KCNQ2: variants seen among roughly 807,000 people sequenced by gnomAD.
KCNQ2 encodes potassium voltage-gated channel subfamily Q member 2, also known as potassium voltage-gated channel subfamily KQT member 2.
A neutral mutation model predicts 84.8 loss-of-function variants in KCNQ2; 14 were observed. The observed-to-expected ratio is 0.17, with a 90% CI of 0.11 to 0.26. The LOEUF is 0.26. Ranked by LOEUF, KCNQ2 falls within the 10% of genes least tolerant of loss-of-function variation. KCNQ2 has a pLI of 1.00. For synonymous variants in KCNQ2, 599 were observed against 554.1 expected, an observed-to-expected ratio of 1.08 and a Z score of -1.14; for missense variants, 788 against 1,254.0, an observed-to-expected ratio of 0.63 and a Z score of 5.61.
intron 10 of KCNQ2, among the ~76,000 whole-genome samples, chr20:63,426,138 G>A (rs559813448): frequency 1.3e-5 from 2 of 152,220 alleles, no homozygotes; most frequent in African/African-American, 4.8e-5. Flanking sequence ...CCCGAAGTTC[G>A]ATGCCCTCTT....
rs2081843912 is a variant in KCNQ2 at position 63,457,831 on chromosome 20, G to T, written c.297-10994C>A. 2.6e-5 allele frequency among the ~76,000 whole-genome samples: 4 copies of T among 152,366 alleles called. No individual in the cohort carries two copies. In the South Asian group the frequency reaches 8.3e-4, roughly 32 times the overall value. On this transcript the variant is annotated intron_variant, in intron 1 of 16. Transcript: ENST00000359125. The stretch of plus-strand genomic sequence containing the variant: ...CACCCCAGGGGCTCTGGGAGCTGCA[G>T]CTGTGGGCAGACTCCCAGGCCCTGG...
chr20:63,426,417 T>C (rs2080637322), intron 10 of KCNQ2, among the ~76,000 whole-genome samples: 1 of 152,072 alleles, frequency 6.6e-6, no homozygotes, highest in Admixed American at 6.5e-5. Context: ...TCTCCTAATT[T>C]AAGACCCTTT....
intron 1 of KCNQ2, among the ~76,000 whole-genome samples, chr20:63,449,907 G>A (rs2145807874): frequency 6.6e-6 from 1 of 152,016 alleles, no homozygotes; most frequent in Admixed American, 6.5e-5. Flanking sequence ...GGCAGCAATT[G>A]GAGCACGTAA....
chr20:63,447,024 C>T (rs1392568249), intron 1 of KCNQ2, among the ~76,000 whole-genome samples, 187 bp from the exon 2 acceptor site: 63 of 152,108 alleles, frequency 4.1e-4, no homozygotes, highest in African/African-American at 1.4e-3. Context: ...AGGGCACCCC[C>T]ATAGCCACCT....
intron 1 of KCNQ2, among the ~76,000 whole-genome samples, chr20:63,470,148 G>A (rs6010944): frequency 0.021 from 3,221 of 152,270 alleles, 148 homozygotes; most frequent in South Asian, 0.19. Context: ...CAGCCCCGCC[G>A]CTTAGAAAAA....
rs1278447055 is a variant in KCNQ2 at position 63,425,106 on chromosome 20, C to T, written c.1218-900G>A. Among the ~76,000 whole-genome samples, 1 of 152,198 alleles carries T rather than the reference C, an allele frequency of 6.6e-6. No homozygotes were observed. Among genetic ancestry groups the T allele is most frequent in the Non-Finnish European group, 1.5e-5 (1 of 68,036 alleles). The stretch of plus-strand genomic sequence containing the variant: ...TCTCTACACGACATTCTCTGTGTCT[C>T]TGTGTCTTCTCCTCCTCTACCTCTG... On this transcript the variant is annotated intron_variant, in intron 10 of 16. Transcript: ENST00000359125. The surrounding 1 kb of genome is among the most constrained non-coding windows in gnomAD (Gnocchi z 5.5).
rs6122453 is a variant in KCNQ2 at position 63,460,454 on chromosome 20, C to A, written c.296+11714G>T. ...GAGGCTCCCAGCAGGCCTTCCCCCCCACAGCCCCCTGAGACAGCCACGCCT... is the reference window on the plus strand; with the variant it reads ...GAGGCTCCCAGCAGGCCTTCCCCCCAACAGCCCCCTGAGACAGCCACGCCT... On this transcript the variant is annotated intron_variant, in intron 1 of 16. Transcript: ENST00000359125. This position sits in a 1 kb window ranked among gnomAD's most constrained non-coding sequence, Gnocchi z 5.4. Among the ~76,000 whole-genome samples, 13,012 of 151,362 alleles carry A rather than the reference C, an allele frequency of 0.086. 954 individuals are homozygous for A. The highest frequency in any genetic ancestry group is 0.44 in the East Asian group (2,102 of 4,820).
chr20:63,453,303 C>T (rs796985245), intron 1 of KCNQ2, among the ~76,000 whole-genome samples: 8 of 152,386 alleles, frequency 5.2e-5, no homozygotes, highest in African/African-American at 1.9e-4. Flanking sequence ...CCGCCAGGAC[C>T]CCGAAGCTCC....
rs1273175326 is a variant in KCNQ2 at position 63,446,068 on chromosome 20, T to TTGGGGGCCCCTGTCTGAGC, written c.387+660_387+678dup. 1 of 155,908 alleles carries TTGGGGGCCCCTGTCTGAGC rather than the reference T, an allele frequency of 6.4e-6. No homozygotes were observed. The highest frequency in any genetic ancestry group is 1.2e-5 in the Non-Finnish European group (1 of 81,646). 9.7% of individuals were successfully genotyped at this position (155,908 alleles called of 1,614,324 possible). A position where few individuals can be genotyped will look rare whatever the true frequency, so the allele number is the denominator to read the frequency against. On this transcript the variant is annotated intron_variant, in intron 2 of 16. Coordinates refer to ENST00000359125, the MANE Select transcript of KCNQ2 (RefSeq NM_172107.4). The surrounding 1 kb of genome is among the most constrained non-coding windows in gnomAD (Gnocchi z 5.5). ...TCCAAGCTGGGGGACTCTATCTGAG[T>TTGGGGGCCCCTGTCTGAGC]TGGGGGCCCCTGTCTGAGCTGGGGG...
intron 12 of KCNQ2, among the ~76,000 whole-genome samples, chr20:63,415,368 CCA>C (rs1568881849): frequency 4.5e-5 from 6 of 134,150 alleles, no homozygotes; most frequent in African/African-American, 1.9e-4. Context: ...GGAGGGGAGG[CCA>C]CGGGGACCGA....
chr20:63,420,584 C>G (rs2080437630), intron 11 of KCNQ2, among the ~76,000 whole-genome samples: 1 of 152,120 alleles, frequency 6.6e-6, no homozygotes. Flanking sequence ...AAGCACCCAG[C>G]CTCCCGTCTT....
intron 1 of KCNQ2, among the ~76,000 whole-genome samples, chr20:63,461,281 T>G (rs993026333): frequency 2.6e-5 from 4 of 152,122 alleles, no homozygotes; most frequent in Admixed American, 6.5e-5. Flanking sequence ...TTAACTCAGC[T>G]CTTGGCTAAT....
intron 1 of KCNQ2, among the ~76,000 whole-genome samples, chr20:63,457,730 C>A (rs1159443227): frequency 6.6e-6 from 1 of 152,248 alleles, no homozygotes; most frequent in African/African-American, 2.4e-5. Flanking sequence ...GACCCCCAGC[C>A]CCCTGCATTG....
rs927723488 is a variant in KCNQ2 at position 63,405,903 on chromosome 20, G to A, written c.*741C>T. The stretch of plus-strand genomic sequence containing the variant: ...CCACCGTGAGCCAGGCCCTCCCTCT[G>A]GAGGCCAAGACCAGAGGGCTGGACG... On this transcript the variant is annotated 3_prime_UTR_variant, in exon 17 of 17. Coordinates refer to ENST00000359125, the MANE Select transcript of KCNQ2 (RefSeq NM_172107.4). 1.3e-5 allele frequency: 2 copies of A among 152,104 alleles called. No individual in the cohort carries two copies. Among genetic ancestry groups the A allele is most frequent in the South Asian group, 2.1e-4 (1 of 4,816 alleles). 9.4% of individuals were successfully genotyped at this position (152,104 alleles called of 1,614,324 possible).
At chr20:63,443,340 CCATCACCACCACCACCACCATCACCAT>C (rs1568937292) in intron 4 of KCNQ2, among the ~76,000 whole-genome samples, 2 of 3,484 alleles carry the variant, frequency 5.7e-4, no homozygotes. Context: ...ACCATCACCA[CCATCACCACCACCACCACCATCACCAT>C]CATCACCACC....
intron 9 of KCNQ2, 120 bp from the exon 10 acceptor site, chr20:63,428,555 G>T: frequency 1.2e-6 from 1 of 853,946 alleles, no homozygotes; most frequent in Non-Finnish European, 1.9e-6. Flanking sequence ...GGCGGCATGT[G>T]ACGTGGCCAG....
chr20:63,407,426 T>C lies in KCNQ2; in HGVS notation c.1888-51A>G. The C allele has an allele frequency of 6.3e-7, 1 of 1,588,990 alleles. No homozygotes were observed. The highest frequency in any genetic ancestry group is 8.5e-7 in the Non-Finnish European group (1 of 1,174,250). On this transcript the variant is annotated intron_variant, in intron 16 of 16. Transcript: ENST00000359125. This position sits in a 1 kb window ranked among gnomAD's most constrained non-coding sequence, Gnocchi z 7.2. Reference sequence around the variant, plus strand: ...GTGCGAGGGCCCGTCCCAGGAGATGTGGGGACCCAGGCTGCTCCCAGGAAA... The same window carrying C: ...GTGCGAGGGCCCGTCCCAGGAGATGCGGGGACCCAGGCTGCTCCCAGGAAA...
rs141703668 is a variant in KCNQ2 at position 63,437,041 on chromosome 20, A to C, written c.1023+1584T>G. Among the ~76,000 whole-genome samples, 301 of 152,324 alleles carry C rather than the reference A, an allele frequency of 2.0e-3. 1 individual carries two copies. The highest frequency in any genetic ancestry group is 6.1e-3 in the African/African-American group (255 of 41,580). Reference sequence around the variant, plus strand: ...AGATCTGCCTGCCTCAGCCTCCTAAAGTGCTGGGATTACAGGTGGGAGCCA... The same window carrying C: ...AGATCTGCCTGCCTCAGCCTCCTAACGTGCTGGGATTACAGGTGGGAGCCA... On this transcript the variant is annotated intron_variant, in intron 7 of 16. Coordinates refer to ENST00000359125, the MANE Select transcript of KCNQ2 (RefSeq NM_172107.4).
chr20:63,440,834 T>C (rs927865582), intron 5 of KCNQ2, among the ~76,000 whole-genome samples: 2 of 151,950 alleles, frequency 1.3e-5, no homozygotes, highest in African/African-American at 2.4e-5. Flanking sequence ...CAGGAGACTC[T>C]GGGAAGGAGG....
Sources: gnomAD v4.1 joint callset for allele counts (sites outside exome capture counted in the v4.1 genomes callset) on GRCh38, gnomAD v4.1.1 for gene constraint, Gnocchi (gnomAD v3.1) non-coding constraint, MANE v1.5 for transcripts, NCBI Gene and HGNC (gene_info 2026-07-23, HGNC 2026-07-21) for gene names.